The following MGST1 variants were observed in gnomAD, a reference collection of about 807,000 sequenced individuals.
MGST1 encodes the protein microsomal glutathione S-transferase 1.
Under a neutral mutation model 8.9 loss-of-function variants are expected in MGST1, and 5 were observed. The ratio of observed to expected loss-of-function variants is 0.56; its 90% CI spans 0.29 to 1.19. The LOEUF (loss-of-function observed/expected upper bound fraction) is 1.19, where lower values mean the gene tolerates loss of function less well. Ranked by LOEUF, MGST1 falls within the 50% of genes most tolerant of loss-of-function variation. MGST1 has a pLI of 0.08. For missense variants in MGST1, 182 were observed against 187.4 expected, an observed-to-expected ratio of 0.97 and a Z score of 0.17; for synonymous variants, 54 against 67.8, an observed-to-expected ratio of 0.80 and a Z score of 1.00.
chr12:16,571,704 G>A (rs939375476), intron 4 of MGST1, among the ~76,000 whole-genome samples: 12 of 151,992 alleles, frequency 7.9e-5, no homozygotes, highest in Admixed American at 2.6e-4. Flanking sequence ...ACTCAAATAT[G>A]CAGATTGAAT....
chr12:16,478,213 A>G (rs1158339399), intron 4 of MGST1, among the ~76,000 whole-genome samples: 2 of 152,120 alleles, frequency 1.3e-5, no homozygotes, highest in African/African-American at 4.8e-5. Flanking sequence ...TATTTTTAGC[A>G]GAGACGGGGT....
rs1252689746 is a variant in MGST1 at position 16,555,947 on chromosome 12, G to A, written n.483-33581G>A. On this transcript the variant is annotated intron_variant and non_coding_transcript_variant, in intron 4 of 4. Transcript: ENST00000538857. This position sits in a 1 kb window ranked among gnomAD's most constrained non-coding sequence, Gnocchi z 5.5. ...CTTCCCTAACACTTCAAGAAGGATG[G>A]CTCTCTCTTCCCTCAGTATAGCTCT... Among the ~76,000 whole-genome samples the A allele has an allele frequency of 6.6e-6, 1 of 151,900 alleles. No individual in the cohort carries two copies. The highest frequency in any genetic ancestry group is 1.9e-4 in the East Asian group (1 of 5,176).
Position 16,582,975 on chromosome 12 carries a change from A to G in MGST1, n.483-6553A>G, listed in dbSNP as rs1383817169. ...TGCAGGAAAATCTCTTGAAGCTGGGAGGCAGAGGTTGTAGTGAGCTGAGAT... is the reference window on the plus strand; with the variant it reads ...TGCAGGAAAATCTCTTGAAGCTGGGGGGCAGAGGTTGTAGTGAGCTGAGAT... On this transcript the variant is annotated intron_variant and non_coding_transcript_variant, in intron 4 of 4. Transcript: ENST00000538857. This position sits in a 1 kb window ranked among gnomAD's most constrained non-coding sequence, Gnocchi z 4.1. 6.9e-6 allele frequency among the ~76,000 whole-genome samples: 1 copy of G among 145,420 alleles called. No homozygotes were observed. Among genetic ancestry groups the G allele is most frequent in the Non-Finnish European group, 1.5e-5 (1 of 67,202 alleles).
intron 4 of MGST1, among the ~76,000 whole-genome samples, chr12:16,533,905 G>A (rs548238501): frequency 2.8e-4 from 42 of 152,204 alleles, no homozygotes; most frequent in African/African-American, 1.0e-3. Flanking sequence ...AAATAAACAG[G>A]ATATTCCAGG....
intron 4 of MGST1, among the ~76,000 whole-genome samples, chr12:16,569,001 C>G (rs1425014340): frequency 6.6e-6 from 1 of 152,144 alleles, no homozygotes; most frequent in Non-Finnish European, 1.5e-5. Flanking sequence ...ATCATTATAG[C>G]TCTCTCATAA....
At chr12:16,404,225 G>C (rs1940682164) in intron 1 of MGST1, among the ~76,000 whole-genome samples, 1 of 152,026 alleles carries the variant, frequency 6.6e-6, no homozygotes, top group South Asian at 2.1e-4. Context: ...CAGCTTTATA[G>C]TCTATCTTGT....
chr12:16,366,485 G>T (rs1007038000), downstream of MGST1, among the ~76,000 whole-genome samples: 16 of 152,066 alleles, frequency 1.1e-4, no homozygotes, highest in African/African-American at 3.6e-4. This position sits in a 1 kb window ranked among gnomAD's most constrained non-coding sequence, Gnocchi z 4.0. Flanking sequence ...ACTTTAACTT[G>T]TGATAGGACT....
At chr12:16,444,207 T>C (rs1348429288) in intron 4 of MGST1, among the ~76,000 whole-genome samples, 7 of 145,820 alleles carry the variant, frequency 4.8e-5, no homozygotes, top group Admixed American at 1.4e-4. Flanking sequence ...TTTTTTTGTC[T>C]ACTTGGATTT....
intron 1 of MGST1, among the ~76,000 whole-genome samples, chr12:16,386,558 G>T (rs1430053817): frequency 6.6e-6 from 1 of 152,142 alleles, no homozygotes; most frequent in African/African-American, 2.4e-5. Flanking sequence ...AAAACAATCT[G>T]TCATGAAGAA....
chr12:16,567,929 A>G (rs998829674), intron 4 of MGST1, among the ~76,000 whole-genome samples: 5 of 152,318 alleles, frequency 3.3e-5, no homozygotes, highest in South Asian at 2.1e-4. Context: ...AGTAGCGATC[A>G]TGATCTGACC....
In MGST1 at chr12:16,527,183, T is replaced by C. The variant is rs960396931; in HGVS notation, n.483-62345T>C. On this transcript the variant is annotated intron_variant and non_coding_transcript_variant, in intron 4 of 4. Transcript: ENST00000538857. Reference sequence around the variant, plus strand: ...TCAGCCATTCTGCAACATGAATTTCTTCCACTATCATATATCTGGTTTCTT... The same window carrying C: ...TCAGCCATTCTGCAACATGAATTTCCTCCACTATCATATATCTGGTTTCTT... Among the ~76,000 whole-genome samples, 26 of 152,176 alleles carry C rather than the reference T, an allele frequency of 1.7e-4. No homozygotes were observed. In the East Asian group the frequency reaches 3.5e-3, roughly 20 times the overall value.
At chr12:16,422,391 G>A (rs150006618) in intron 1 of MGST1, among the ~76,000 whole-genome samples, 1 of 152,172 alleles carries the variant, frequency 6.6e-6, no homozygotes, top group Non-Finnish European at 1.5e-5. Flanking sequence ...CTCAGTGGAA[G>A]TCCATTTTCA....
At chr12:16,471,663 T>C (rs1297131283) in intron 4 of MGST1, among the ~76,000 whole-genome samples, 1 of 152,158 alleles carries the variant, frequency 6.6e-6, no homozygotes, top group Non-Finnish European at 1.5e-5. Flanking sequence ...AAGTTCAGCT[T>C]GCAGGTCCAG....
Position 16,497,222 on chromosome 12 carries a change from C to T in MGST1, n.483-92306C>T, listed in dbSNP as rs1487637959. Among the ~76,000 whole-genome samples, 1 of 152,162 alleles carries T rather than the reference C, an allele frequency of 6.6e-6. No homozygotes were observed. Among genetic ancestry groups the T allele is most frequent in the Non-Finnish European group, 1.5e-5 (1 of 68,014 alleles). On this transcript the variant is annotated intron_variant and non_coding_transcript_variant, in intron 4 of 4. Coordinates refer to the MGST1 transcript ENST00000538857. This position sits in a 1 kb window ranked among gnomAD's most constrained non-coding sequence, Gnocchi z 4.4. ...AGTCTTGAAATCAGATCCCACTGTT[C>T]ACACGCTTTTCCTTTGTTTAACCAA...
At chr12:16,501,098 GA>G (rs71054822) in intron 4 of MGST1, among the ~76,000 whole-genome samples, 39,407 of 84,016 alleles carry the variant, frequency 0.47, 6,555 homozygotes, top group Non-Finnish European at 0.55. Flanking sequence ...ACTCTGTCTC[GA>G]AAAAAAAAAA....
downstream of MGST1, among the ~76,000 whole-genome samples, chr12:16,365,372 G>T (rs1742108898): frequency 6.6e-6 from 1 of 151,912 alleles, no homozygotes; most frequent in Non-Finnish European, 1.5e-5. Context: ...ATTAGTTTTT[G>T]ATTTTCATAT....
At chr12:16,566,560 A>G (rs1343195726) in intron 4 of MGST1, among the ~76,000 whole-genome samples, 1 of 152,118 alleles carries the variant, frequency 6.6e-6, no homozygotes, top group East Asian at 1.9e-4. Flanking sequence ...AAAAAAAGAA[A>G]TTTTCAAAAA....
intron 4 of MGST1, among the ~76,000 whole-genome samples, chr12:16,451,707 T>C (rs1941130684): frequency 6.6e-6 from 1 of 151,908 alleles, no homozygotes; most frequent in African/African-American, 2.4e-5. Context: ...TATAAGTTCT[T>C]ATTGCTCTTA....
chr12:16,515,362 A>T (rs1464270257), intron 4 of MGST1, among the ~76,000 whole-genome samples: 3 of 152,186 alleles, frequency 2.0e-5, no homozygotes, highest in Non-Finnish European at 4.4e-5. Context: ...TTTATTTAAA[A>T]ATAAAGAGGC....
Sources: gnomAD v4.1 joint callset for allele counts (sites outside exome capture counted in the v4.1 genomes callset) on GRCh38, gnomAD v4.1.1 for gene constraint, Gnocchi (gnomAD v3.1) non-coding constraint, MANE v1.5 for transcripts, NCBI Gene and HGNC (gene_info 2026-07-23, HGNC 2026-07-21) for gene names.